MINK1: variants seen among roughly 807,000 people sequenced by gnomAD.
The protein encoded by MINK1 is misshapen-like kinase 1.
MINK1 carries 46 observed loss-of-function variants against 178.4 expected under a neutral mutation model. That is an observed-to-expected ratio of 0.26 (90% CI 0.20 to 0.33). The LOEUF is 0.33. Ranked by LOEUF, MINK1 falls within the 10% of genes least tolerant of loss-of-function variation. The pLI is 1.00. For missense variants in MINK1, 1,366 were observed against 1,814.9 expected, an observed-to-expected ratio of 0.75 and a Z score of 4.49; for synonymous variants, 797 against 709.7, an observed-to-expected ratio of 1.12 and a Z score of -1.96.
intron 12 of MINK1, among the ~76,000 whole-genome samples, chr17:4,889,199 G>A (rs1474005493): frequency 6.6e-6 from 1 of 152,182 alleles, no homozygotes. Flanking sequence ...GCTTGTCAAG[G>A]AGTGGGCCAG....
intron 1 of MINK1, among the ~76,000 whole-genome samples, chr17:4,863,430 G>A (rs899563213): frequency 6.6e-6 from 1 of 152,146 alleles, no homozygotes; most frequent in Non-Finnish European, 1.5e-5. Flanking sequence ...TTTGCCTTAG[G>A]TTACCTTTTT....
chr17:4,835,566 G>T (rs1369901825), intron 1 of MINK1, among the ~76,000 whole-genome samples: 1 of 152,202 alleles, frequency 6.6e-6, no homozygotes, highest in Non-Finnish European at 1.5e-5. Flanking sequence ...GGTGGAGGTT[G>T]CAGTGAGCCA....
chr17:4,892,616 G>T, intron 18 of MINK1, 40 bp from the exon 19 acceptor site: 1 of 1,559,470 alleles, frequency 6.4e-7, no homozygotes, highest in South Asian at 1.2e-5. Flanking sequence ...AGAGAAGGGA[G>T]CACCGTGCCT....
Position 4,887,812 on chromosome 17 carries a change from C to G in MINK1, c.1230+22C>G. ...GGAGGTGGGCTGTCTCCGAAGGGCC[C>G]AGGCCTGGCGCGGCCTCCTCCTGAC... On this transcript the variant is annotated intron_variant, in intron 12 of 31. Transcript: ENST00000355280. The surrounding 1 kb of genome is among the most constrained non-coding windows in gnomAD (Gnocchi z 7.6). The G allele has an allele frequency of 1.4e-6, 2 of 1,470,566 alleles. No homozygotes were observed. The highest frequency in any genetic ancestry group is 2.5e-5 in the East Asian group (1 of 39,380). The allele number at this position is 1,470,566 out of a possible 1,614,324, so 91.1% of individuals were successfully genotyped here. A position where few individuals can be genotyped will look rare whatever the true frequency, so the allele number is the denominator to read the frequency against.
chr17:4,841,156 G>A (rs1300512618), intron 1 of MINK1, among the ~76,000 whole-genome samples: 4 of 152,106 alleles, frequency 2.6e-5, no homozygotes, highest in African/African-American at 9.7e-5. Context: ...TAGAGCCTGT[G>A]ACTCAGTATG....
intron 1 of MINK1, among the ~76,000 whole-genome samples, chr17:4,844,887 T>G (rs1910785911): frequency 6.6e-6 from 1 of 152,196 alleles, no homozygotes; most frequent in Non-Finnish European, 1.5e-5. Context: ...ATTATAACCA[T>G]TTTTCAGCGT....
In MINK1 at chr17:4,897,355, C is replaced by T. The variant is rs746819192; in HGVS notation, c.*68C>T. Reference sequence around the variant, plus strand: ...CCCCCTGCAGCCAGGCTTCCCGGGCCGCCCCTCTTTCCCCTCCCTGGGCTT... The same window carrying T: ...CCCCCTGCAGCCAGGCTTCCCGGGCTGCCCCTCTTTCCCCTCCCTGGGCTT... On this transcript the variant is annotated 3_prime_UTR_variant, in exon 32 of 32. Coordinates refer to ENST00000355280, the MANE Select transcript of MINK1 (RefSeq NM_153827.5). The T allele has an allele frequency of 4.7e-4, 693 of 1,459,910 alleles. No homozygotes were observed. The highest frequency in any genetic ancestry group is 5.8e-4 in the South Asian group (50 of 85,882). 90.4% of individuals were successfully genotyped at this position (1,459,910 alleles called of 1,614,324 possible).
rs113907415 is a variant in MINK1 at position 4,894,335 on chromosome 17, G to A, written c.2808+24G>A. ...ACGTAAGTGGGCCGGAGGCAGGTCC[G>A]CCGGGAGAGAAGAGCCCTGGCGATG... On this transcript the variant is annotated intron_variant, in intron 23 of 31. Transcript: ENST00000355280. The surrounding 1 kb of genome is among the most constrained non-coding windows in gnomAD (Gnocchi z 4.1). 38 of 1,605,588 alleles carry A rather than the reference G, an allele frequency of 2.4e-5. No homozygotes were observed. Among genetic ancestry groups the A allele is most frequent in the African/African-American group, 9.4e-5 (7 of 74,766 alleles).
intron 20 of MINK1, 160 bp downstream of exon 20, chr17:4,893,227 C>T (rs1430427167): frequency 6.6e-7 from 1 of 1,524,612 alleles, no homozygotes; most frequent in East Asian, 2.2e-5. Flanking sequence ...CCTAACCTCT[C>T]TCCTAACCTC....
rs992394274 is a variant in MINK1, at chr17:4,897,590, A to T, written c.*303A>T. The T allele has an allele frequency of 1.2e-4, 38 of 327,304 alleles. No individual in the cohort carries two copies. Among genetic ancestry groups the T allele is most frequent in the Middle Eastern group, 9.0e-4 (1 of 1,108 alleles). 20.3% of individuals were successfully genotyped at this position (327,304 alleles called of 1,614,324 possible). On this transcript the variant is annotated 3_prime_UTR_variant, in exon 32 of 32. Coordinates refer to ENST00000355280, the MANE Select transcript of MINK1 (RefSeq NM_153827.5). ...CCCCCTTTTCTCCATTTGAGAGGAG[A>T]GTGCTTGGGGCTTGAACCCCTTACC... is the stretch of plus-strand genomic sequence containing the variant.
intron 1 of MINK1, among the ~76,000 whole-genome samples, chr17:4,841,596 T>TTA (rs1189570865): frequency 6.6e-6 from 1 of 151,462 alleles, no homozygotes; most frequent in African/African-American, 2.4e-5. Flanking sequence ...TAGCATTGGC[T>TTA]TATATATTGC....
chr17:4,885,505 G>A lies in MINK1; in HGVS notation c.531G>A (p.Gln177=). Residue 177 remains glutamine (Q), a synonymous_variant, in exon 7 of 32, where the codon CAG becomes CAA. Coordinates refer to ENST00000355280, the MANE Select transcript of MINK1 (RefSeq NM_153827.5). The surrounding 1 kb of genome is among the most constrained non-coding windows in gnomAD (Gnocchi z 5.0). ...CAGTGGATTTTGGGGTGAGTGCTCA[G>A]CTGGACCGCACCGTGGGCAGACGGA... ...VKLVDFGVSA[Q]LDRTVGRRNT... The A allele has an allele frequency of 1.2e-6, 2 of 1,613,956 alleles. No individual in the cohort carries two copies. The highest frequency in any genetic ancestry group is 8.5e-7 in the Non-Finnish European group (1 of 1,179,868).
At chr17:4,882,779 A>G (rs551766599) in intron 4 of MINK1, among the ~76,000 whole-genome samples, 1 of 152,248 alleles carries the variant, frequency 6.6e-6, no homozygotes, top group South Asian at 2.1e-4. Context: ...ACACTTTCAC[A>G]TGTCATTTAG....
chr17:4,845,631 G>C (rs956811367), intron 1 of MINK1, among the ~76,000 whole-genome samples: 4 of 151,742 alleles, frequency 2.6e-5, no homozygotes, highest in Non-Finnish European at 5.9e-5. Context: ...ACCTGGAATT[G>C]AGTTGGATTT....
intron 1 of MINK1, among the ~76,000 whole-genome samples, chr17:4,851,500 C>T (rs1433878870): frequency 1.3e-5 from 2 of 152,150 alleles, no homozygotes; most frequent in East Asian, 3.8e-4. Flanking sequence ...GCTGTCTGCC[C>T]CCCTGCGATG....
chr17:4,892,589 G>T, intron 18 of MINK1, 67 bp from the exon 19 acceptor site: 2 of 1,545,372 alleles, frequency 1.3e-6, no homozygotes, highest in African/African-American at 1.4e-5. Context: ...TCCCTCTGCA[G>T]TGCAGCTCAG....
intron 15 of MINK1, 70 bp downstream of exon 15, chr17:4,891,194 A>ATG (rs1555541411): frequency 1.1e-3 from 1,152 of 1,068,550 alleles, no homozygotes; most frequent in Non-Finnish European, 1.4e-3. Flanking sequence ...GTACACACAC[A>ATG]CGCGCGCACA....
chr17:4,889,932 A>G (rs1597553347), intron 13 of MINK1, 169 bp downstream of exon 13: 2 of 549,682 alleles, frequency 3.6e-6, no homozygotes, highest in East Asian at 6.1e-5. Context: ...CCCAACCCTG[A>G]CCCCCTCCCT....
At position 4,895,618 on chromosome 17, in the gene MINK1, C is replaced by T; in HGVS notation, c.3230-80C>T. On this transcript the variant is annotated intron_variant, in intron 26 of 31. Coordinates refer to ENST00000355280, the MANE Select transcript of MINK1 (RefSeq NM_153827.5). The surrounding 1 kb of genome is among the most constrained non-coding windows in gnomAD (Gnocchi z 4.3). ...ACACTTTCTCACCCCTTGTGGTATG[C>T]TGACAGAGGAGGCCAGGGCGGTGGC... 6.4e-7 allele frequency: 1 copy of T among 1,568,870 alleles called. No individual in the cohort carries two copies. The highest frequency in any genetic ancestry group is 8.7e-7 in the Non-Finnish European group (1 of 1,154,408).
Sources: gnomAD v4.1 joint callset for allele counts (sites outside exome capture counted in the v4.1 genomes callset) on GRCh38, gnomAD v4.1.1 for gene constraint, Gnocchi (gnomAD v3.1) non-coding constraint, MANE v1.5 for transcripts, NCBI Gene and HGNC (gene_info 2026-07-23, HGNC 2026-07-21) for gene names.